The following TBC1D4 variants were observed in gnomAD, a reference collection of about 807,000 sequenced individuals.
TBC1D4 encodes TBC1 domain family member 4, also known as TBC (Tre-2, BUB2, CDC16) domain-containing protein.
In TBC1D4, 121 loss-of-function variants were observed where a neutral mutation model predicts 142.5. The observed-to-expected ratio is 0.85, with a 90% CI of 0.73 to 0.99. The LOEUF (loss-of-function observed/expected upper bound fraction) is 0.99. TBC1D4 is among the 50% of genes least tolerant of loss of function. The probability of loss-of-function intolerance (pLI) is 0.00; values close to 1 mark genes in which losing one functional copy is unlikely to be tolerated. For synonymous variants in TBC1D4, 630 were observed against 628.2 expected, an observed-to-expected ratio of 1.00 and a Z score of -0.04; for missense variants, 1,475 against 1,606.6, an observed-to-expected ratio of 0.92 and a Z score of 1.40.
chr13:75,304,671 C>A (rs1188728155), intron 15 of TBC1D4, among the ~76,000 whole-genome samples: 1 of 151,984 alleles, frequency 6.6e-6, no homozygotes, highest in Non-Finnish European at 1.5e-5. Context: ...AAAGCGCAGG[C>A]AGCAGTCACT....
At chr13:75,404,175 GGC>G (rs1249542019) in intron 1 of TBC1D4, among the ~76,000 whole-genome samples, 2 of 151,886 alleles carry the variant, frequency 1.3e-5, no homozygotes, top group Admixed American at 1.3e-4. Context: ...TTAAAAAGAT[GGC>G]GCAGTAAGAA....
intron 11 of TBC1D4, among the ~76,000 whole-genome samples, chr13:75,320,549 T>C (rs2137980499): frequency 6.6e-6 from 1 of 152,138 alleles, no homozygotes; most frequent in Admixed American, 6.5e-5. Flanking sequence ...ATACACACAT[T>C]CCCTCTCCTC....
At chr13:75,294,104 G>T (rs1875625459) in intron 18 of TBC1D4, among the ~76,000 whole-genome samples, 1 of 152,194 alleles carries the variant, frequency 6.6e-6, no homozygotes, top group Non-Finnish European at 1.5e-5. Flanking sequence ...GTTGGTTGTT[G>T]TTGTTGTTGT....
At chr13:75,339,605 G>A (rs1307327487) in intron 7 of TBC1D4, among the ~76,000 whole-genome samples, 3 of 150,122 alleles carry the variant, frequency 2.0e-5, no homozygotes, top group Non-Finnish European at 4.4e-5. Context: ...TTTTTGAGAC[G>A]GAGTCTCCTG....
intron 1 of TBC1D4, among the ~76,000 whole-genome samples, chr13:75,469,740 A>T (rs1425847409): frequency 6.6e-6 from 1 of 152,102 alleles, no homozygotes; most frequent in African/African-American, 2.4e-5. Context: ...GCACCACTGT[A>T]CTCCAGCCTG....
intron 1 of TBC1D4, among the ~76,000 whole-genome samples, chr13:75,396,747 G>A (rs1884812922): frequency 6.6e-6 from 1 of 151,992 alleles, no homozygotes; most frequent in Non-Finnish European, 1.5e-5. Context: ...ACAGAAACAA[G>A]TAATCATACA....
intron 1 of TBC1D4, among the ~76,000 whole-genome samples, chr13:75,465,605 C>A (rs911215359): frequency 2.5e-4 from 38 of 152,148 alleles, no homozygotes; most frequent in Non-Finnish European, 3.4e-4. Context: ...CCCCTACAAC[C>A]ATGTGAATGG....
chr13:75,349,143 T>C, intron 5 of TBC1D4, 27 bp downstream of exon 5: 10 of 1,613,898 alleles, frequency 6.2e-6, no homozygotes, highest in Non-Finnish European at 8.5e-6. Flanking sequence ...CAAACTTCTC[T>C]TTTGCCAAAG....
chr13:75,444,041 G>C (rs2138210223), intron 1 of TBC1D4, among the ~76,000 whole-genome samples: 1 of 152,218 alleles, frequency 6.6e-6, no homozygotes, highest in East Asian at 1.9e-4. Context: ...TGCTGATATT[G>C]GATATACCCA....
chr13:75,296,504 T>C (rs1218670094), intron 17 of TBC1D4, among the ~76,000 whole-genome samples: 1 of 151,902 alleles, frequency 6.6e-6, no homozygotes, highest in East Asian at 1.9e-4. Flanking sequence ...CAAATGGGAG[T>C]TAAGAGAGTT....
chr13:75,363,130 G>C (rs1260912163), intron 1 of TBC1D4, among the ~76,000 whole-genome samples: 1 of 152,088 alleles, frequency 6.6e-6, no homozygotes, highest in East Asian at 1.9e-4. Flanking sequence ...AAGGACATGG[G>C]AGCAACTGAA....
At chr13:75,339,581 A>T (rs1880504074) in intron 7 of TBC1D4, among the ~76,000 whole-genome samples, 1 of 136,290 alleles carries the variant, frequency 7.3e-6, no homozygotes, top group Non-Finnish European at 1.6e-5. Flanking sequence ...CTTTGTGCTC[A>T]ATGTTCTTTT....
intron 12 of TBC1D4, among the ~76,000 whole-genome samples, chr13:75,318,405 C>A (rs565116863): frequency 2.0e-5 from 3 of 152,214 alleles, no homozygotes; most frequent in Non-Finnish European, 2.9e-5. Flanking sequence ...CTGTCTAAAT[C>A]TGTATCTAAA....
At chr13:75,322,953 T>C (rs1323053648) in intron 11 of TBC1D4, among the ~76,000 whole-genome samples, 3 of 152,178 alleles carry the variant, frequency 2.0e-5, no homozygotes, top group African/African-American at 7.2e-5. Context: ...TGTTGGAACA[T>C]GACTTTGTAC....
At position 75,336,906 on chromosome 13, in the gene TBC1D4, T is replaced by G. The variant is rs1374246302; in HGVS notation, c.1731+15A>C. On this transcript the variant is annotated intron_variant, in intron 8 of 20. Transcript: ENST00000377636. ...ACAGATATGCATACTTGAAAGACCA[T>G]TGGTGCAATCTTACCCTTGAGAAGA... The G allele has an allele frequency of 6.2e-7, 1 of 1,613,552 alleles. No individual in the cohort carries two copies. The highest frequency in any genetic ancestry group is 1.1e-5 in the South Asian group (1 of 91,060).
In TBC1D4 at chr13:75,481,706, C is replaced by A. The variant is rs766537114; in HGVS notation, c.62G>T (p.Gly21Val). 4.4e-6 allele frequency: 7 copies of A among 1,596,484 alleles called. No individual in the cohort carries two copies. In the South Asian group the frequency reaches 7.9e-5, roughly 18 times the overall value. The change falls in exon 1 of 21, where the codon GGC becomes GTC. Residue 21 changes from glycine (G) to valine (V), a missense_variant. Physicochemically the swap from Gly to Val is moderately radical, Grantham distance 109. This residue lies in a region of TBC1D4 where 1,227 missense variants were observed against 1,267.7 expected (regional missense o/e 0.97). Coordinates refer to ENST00000377636, the MANE Select transcript of TBC1D4 (RefSeq NM_014832.5). ...PFPHPLEPEP[G>V]VSAQPGPGKP... ...CCCGGGGCCGGGCTGAGCTGAGACG[C>A]CCGGCTCGGGCTCCAGGGGGTGCGG...
intron 8 of TBC1D4, among the ~76,000 whole-genome samples, chr13:75,328,045 A>C (rs534096206): frequency 1.8e-4 from 27 of 152,214 alleles, no homozygotes; most frequent in Non-Finnish European, 3.5e-4. Flanking sequence ...AGATAACTAG[A>C]TACTCAGACC....
intron 3 of TBC1D4, 81 bp downstream of exon 3, chr13:75,359,688 G>A (rs1882340005): frequency 9.2e-7 from 1 of 1,085,502 alleles, no homozygotes; most frequent in African/African-American, 1.6e-5. Context: ...AAATTTGAAG[G>A]GGGTCAAGCC....
chr13:75,468,257 T>C (rs1265473542), intron 1 of TBC1D4, among the ~76,000 whole-genome samples: 2 of 152,162 alleles, frequency 1.3e-5, no homozygotes, highest in African/African-American at 2.4e-5. Context: ...AAGAAAATGG[T>C]CAGTTTCAGA....
Sources: allele counts gnomAD v4.1 joint callset (sites outside exome capture counted in the v4.1 genomes callset), GRCh38; gene constraint gnomAD v4.1.1; regional missense constraint gnomAD v4.1.1; transcripts MANE v1.5; gene names NCBI Gene and HGNC (gene_info 2026-07-23, HGNC 2026-07-21).